ITGAV: variants seen among roughly 807,000 people sequenced by gnomAD.
The protein encoded by ITGAV is integrin alpha-V.
Under a neutral mutation model 143.8 loss-of-function variants are expected in ITGAV, and 76 were observed. That is an observed-to-expected ratio of 0.53 (90% confidence interval 0.44 to 0.64). The LOEUF is 0.64. ITGAV is among the 30% of genes least tolerant of loss of function. The probability of loss-of-function intolerance (pLI) is 0.00; values close to 1 mark genes in which losing one functional copy is unlikely to be tolerated. For missense variants in ITGAV, 1,193 were observed against 1,274.7 expected, an observed-to-expected ratio of 0.94 and a Z score of 0.98; for synonymous variants, 453 against 446.7, an observed-to-expected ratio of 1.01 and a Z score of -0.18.
At position 186,641,594 on chromosome 2, in the gene ITGAV, A is replaced by G; in HGVS notation, c.1159+6A>G. ...GGACCAGGATGGTTTCAATGGTAAGATCAAAGTTTAGCAGCTACAGGTCCC... is the reference window on the plus strand; with the variant it reads ...GGACCAGGATGGTTTCAATGGTAAGGTCAAAGTTTAGCAGCTACAGGTCCC... On this transcript the variant is annotated splice_donor_region_variant and intron_variant, in intron 12 of 29. Coordinates refer to ENST00000261023, the MANE Select transcript of ITGAV (RefSeq NM_002210.5). 6.2e-7 allele frequency: 1 copy of G among 1,612,764 alleles called. No individual in the cohort carries two copies. The highest frequency in any genetic ancestry group is 8.5e-7 in the Non-Finnish European group (1 of 1,179,022).
At chr2:186,622,287 A>T (rs1436828995) in intron 2 of ITGAV, 52 bp from the exon 3 acceptor site, 2 of 1,209,806 alleles carry the variant, frequency 1.7e-6, no homozygotes, top group Non-Finnish European at 2.4e-6. Context: ...ATAAACTGTT[A>T]TATTAAGAAT....
intron 12 of ITGAV, among the ~76,000 whole-genome samples, chr2:186,645,720 C>G (rs938207701): frequency 5.3e-5 from 8 of 152,200 alleles, no homozygotes; most frequent in Admixed American, 3.3e-4. Flanking sequence ...GTAATCCCCC[C>G]ACTTTGGGAG....
At chr2:186,600,307 C>G (rs1330753675) in intron 1 of ITGAV, 2 of 1,538,208 alleles carry the variant, frequency 1.3e-6, no homozygotes, top group Admixed American at 3.9e-5. Flanking sequence ...ATCCCCACCC[C>G]CCACTCCCCT....
rs56249746 is a variant in ITGAV at position 186,656,987 on chromosome 2, AACACACACACACAC to A, written c.1719+610_1719+623del. On this transcript the variant is annotated intron_variant, in intron 17 of 29. Coordinates refer to ENST00000261023, the MANE Select transcript of ITGAV (RefSeq NM_002210.5). ...AGTTTGATCAAATATGAATTCATTA[AACACACACACACAC>A]ACACACACACACACACACACACAGA... is the stretch of plus-strand genomic sequence containing the variant. Among the ~76,000 whole-genome samples, 1,174 of 139,424 alleles carry A rather than the reference AACACACACACACAC, an allele frequency of 8.4e-3. 15 individuals carry two copies. The highest frequency in any genetic ancestry group is 0.029 in the African/African-American group (1,113 of 38,928). The allele number at this position is 139,424 out of a possible 152,430, so 91.5% of individuals were successfully genotyped here. A position where few individuals can be genotyped will look rare whatever the true frequency, so the allele number is the denominator to read the frequency against.
chr2:186,601,604 A>T (rs1258200346), intron 1 of ITGAV, among the ~76,000 whole-genome samples: 2 of 152,046 alleles, frequency 1.3e-5, no homozygotes, highest in Non-Finnish European at 2.9e-5. Flanking sequence ...CATTCAGAAT[A>T]TAGAAAATGC....
chr2:186,594,222 CTG>C (rs1559035426), intron 1 of ITGAV, among the ~76,000 whole-genome samples: 1 of 152,210 alleles, frequency 6.6e-6, no homozygotes, highest in Non-Finnish European at 1.5e-5. Flanking sequence ...GTTGACTAGC[CTG>C]TCTTAACTCA....
intron 5 of ITGAV, among the ~76,000 whole-genome samples, chr2:186,632,535 T>C (rs1385466590): frequency 1.3e-5 from 2 of 152,160 alleles, no homozygotes; most frequent in East Asian, 3.8e-4. Flanking sequence ...TTCTAAAATA[T>C]TGTGCTGAAA....
chr2:186,605,797 A>AC (rs374094146), intron 2 of ITGAV, among the ~76,000 whole-genome samples: 1 of 1,024 alleles, frequency 9.8e-4, no homozygotes, highest in African/African-American at 2.0e-3. Context: ...GTATATGTAT[A>AC]ATATATTCTT....
At position 186,651,969 on chromosome 2, in the gene ITGAV, C is replaced by T; in HGVS notation, c.1398-13C>T. The T allele has an allele frequency of 6.7e-7, 1 of 1,503,228 alleles. No homozygotes were observed. The highest frequency in any genetic ancestry group is 9.1e-7 in the Non-Finnish European group (1 of 1,097,592). 93.1% of individuals were successfully genotyped at this position (1,503,228 alleles called of 1,614,324 possible). ...TAATTTTTTACTTCATCTTCTTTTCCCTCCCCCGCTAGGGCCAGACCAGTT... is the reference window on the plus strand; with the variant it reads ...TAATTTTTTACTTCATCTTCTTTTCTCTCCCCCGCTAGGGCCAGACCAGTT... On this transcript the variant is annotated splice_polypyrimidine_tract_variant and intron_variant, in intron 14 of 29. Coordinates refer to ENST00000261023, the MANE Select transcript of ITGAV (RefSeq NM_002210.5).
At chr2:186,631,996 C>T (rs562181086) in intron 5 of ITGAV, among the ~76,000 whole-genome samples, 3 of 152,276 alleles carry the variant, frequency 2.0e-5, no homozygotes, top group African/African-American at 7.2e-5. Context: ...CACTGCATTC[C>T]AGCCTGGGCA....
intron 22 of ITGAV, 71 bp downstream of exon 22, chr2:186,666,854 A>G (rs572652791): frequency 3.8e-5 from 28 of 730,444 alleles, no homozygotes; most frequent in Admixed American, 9.1e-5. Flanking sequence ...ACTATGTAAT[A>G]TACTTTAAAT....
intron 15 of ITGAV, 90 bp from the exon 16 acceptor site, chr2:186,654,560 C>T (rs1688530715): frequency 1.6e-6 from 1 of 624,832 alleles, no homozygotes; most frequent in South Asian, 2.3e-5. Context: ...ACAATACAAA[C>T]TATGTAGTAG....
intron 16 of ITGAV, among the ~76,000 whole-genome samples, chr2:186,655,349 C>G (rs1320292629): frequency 6.6e-6 from 1 of 152,052 alleles, no homozygotes; most frequent in Non-Finnish European, 1.5e-5. Flanking sequence ...ATAGGGCAGC[C>G]AAGTAAGGTC....
At chr2:186,668,032 C>T (rs1017147535) in intron 24 of ITGAV, 5 of 197,674 alleles carry the variant, frequency 2.5e-5, no homozygotes, top group Non-Finnish European at 5.0e-5. Context: ...AAAGAAATGT[C>T]ATTGGTACTT....
chr2:186,669,835 G>A, intron 26 of ITGAV, 21 bp downstream of exon 26: 1 of 1,452,938 alleles, frequency 6.9e-7, no homozygotes. Flanking sequence ...TTTCAAATAT[G>A]TGCACCATAG....
intron 12 of ITGAV, among the ~76,000 whole-genome samples, chr2:186,642,639 A>T (rs1437780521): frequency 6.7e-6 from 1 of 148,790 alleles, no homozygotes; most frequent in African/African-American, 2.5e-5. Context: ...GGGTCAAGAG[A>T]TCCTCCCACT....
At chr2:186,593,453 C>T (rs1011732919) in intron 1 of ITGAV, among the ~76,000 whole-genome samples, 76 of 92,866 alleles carry the variant, frequency 8.2e-4, no homozygotes, top group Admixed American at 1.9e-3. Flanking sequence ...AAAAAACATT[C>T]GCATTCTGTT....
rs758346373 is a variant in ITGAV at position 186,652,096 on chromosome 2, G to A, written c.1505+7G>A. On this transcript the variant is annotated splice_region_variant and intron_variant, in intron 15 of 29. Transcript: ENST00000261023. ...CAGCTCTCAAAGTTTCCTGGTAAGG[G>A]TATTTGTTTAATAATAGTTATTATT... 4.0e-6 allele frequency: 6 copies of A among 1,516,408 alleles called. No individual in the cohort carries two copies. The highest frequency in any genetic ancestry group is 5.5e-6 in the Non-Finnish European group (6 of 1,093,452). The allele number at this position is 1,516,408 out of a possible 1,614,324, so 93.9% of individuals were successfully genotyped here.
intron 29 of ITGAV, 63 bp from the exon 30 acceptor site, chr2:186,677,134 A>C (rs930008578): frequency 2.7e-6 from 4 of 1,465,594 alleles, no homozygotes; most frequent in South Asian, 2.4e-5. Flanking sequence ...ATAGTCACCC[A>C]AAAAATACTT....
Sources: gnomAD v4.1 joint callset for allele counts (sites outside exome capture counted in the v4.1 genomes callset) on GRCh38, gnomAD v4.1.1 for gene constraint, MANE v1.5 for transcripts, NCBI Gene and HGNC (gene_info 2026-07-23, HGNC 2026-07-21) for gene names.